Variants in ROBO1 observed in about 807,000 individuals in gnomAD.
ROBO1 encodes the protein roundabout homolog 1.
ROBO1 carries 149 observed loss-of-function variants against 195.9 expected under a neutral mutation model. That is an observed-to-expected ratio of 0.76 (90% CI 0.67 to 0.87). The LOEUF (loss-of-function observed/expected upper bound fraction) is 0.87. Among genes scored for constraint, ROBO1 ranks in the 40% least tolerant of loss-of-function variants. The pLI, the probability that ROBO1 is intolerant of heterozygous loss-of-function variation, is 0.00. For synonymous variants in ROBO1, 816 were observed against 733.2 expected (o/e 1.11, Z -1.82); for missense variants, 1,933 against 2,068.3 (o/e 0.93, Z 1.27).
chr3:79,296,436 C>G (rs1188765392), intron 2 of ROBO1, among the ~76,000 whole-genome samples: 1 of 151,480 alleles, frequency 6.6e-6, no homozygotes, highest in Non-Finnish European at 1.5e-5. Flanking sequence ...CATAGAAAGA[C>G]AACTTCAAGA....
intron 2 of ROBO1, among the ~76,000 whole-genome samples, chr3:79,340,120 T>C (rs2034848128): frequency 6.6e-6 from 1 of 152,182 alleles, no homozygotes; most frequent in South Asian, 2.1e-4. Flanking sequence ...TCTCTGTCAC[T>C]CATTTTTCAA....
intron 3 of ROBO1, among the ~76,000 whole-genome samples, chr3:79,113,335 G>T (rs1238416420): frequency 1.3e-5 from 2 of 151,582 alleles, no homozygotes; most frequent in Non-Finnish European, 2.9e-5. Context: ...TTACATAATT[G>T]AATCAGCAAT....
chr3:79,012,970 C>T (rs1204423252), intron 3 of ROBO1, among the ~76,000 whole-genome samples: 4 of 152,070 alleles, frequency 2.6e-5, no homozygotes, highest in African/African-American at 9.7e-5. Context: ...GCCTTTTGAT[C>T]TCCACAGGAT....
At chr3:79,336,801 G>T (rs537731082) in intron 2 of ROBO1, among the ~76,000 whole-genome samples, 1 of 152,332 alleles carries the variant, frequency 6.6e-6, no homozygotes, top group Non-Finnish European at 1.5e-5. Flanking sequence ...GCCTGTGAAA[G>T]CAGCTGGAAG....
At chr3:78,885,064 C>T (rs916466447) in intron 4 of ROBO1, among the ~76,000 whole-genome samples, 11 of 151,954 alleles carry the variant, frequency 7.2e-5, no homozygotes, top group Admixed American at 7.2e-4. Flanking sequence ...TGAGCATTCT[C>T]ACTATGCAGC....
At chr3:79,310,383 C>T (rs2033428182) in intron 2 of ROBO1, among the ~76,000 whole-genome samples, 1 of 152,142 alleles carries the variant, frequency 6.6e-6, no homozygotes, top group African/African-American at 2.4e-5. Context: ...CCCATAGCTC[C>T]ATATGATCAG....
intron 2 of ROBO1, among the ~76,000 whole-genome samples, chr3:79,580,785 A>G (rs1943635259): frequency 6.6e-6 from 1 of 152,006 alleles, no homozygotes; most frequent in South Asian, 2.1e-4. Context: ...TGTAGTGGAC[A>G]CTCTCTTGGG....
intron 4 of ROBO1, among the ~76,000 whole-genome samples, chr3:78,783,529 C>G (rs529662962): frequency 1.3e-5 from 2 of 152,244 alleles, no homozygotes; most frequent in East Asian, 3.9e-4. Context: ...TAAGGACATT[C>G]AAGATTCTAA....
chr3:78,945,853 C>T (rs1004491393), intron 3 of ROBO1, among the ~76,000 whole-genome samples: 5 of 151,768 alleles, frequency 3.3e-5, no homozygotes, highest in East Asian at 1.9e-4. Context: ...AACCAAGGCA[C>T]GAGAGCTACG....
rs2033633095 is a variant in ROBO1 at position 78,845,891 on chromosome 3, A to C, written c.499+92710T>G. On this transcript the variant is annotated intron_variant, in intron 4 of 30. Transcript: ENST00000464233. ...TCATTTTTAAAAACAATGTGTTCAG[A>C]ATTCTTCAGACTAATAAATTATTCT... is the stretch of plus-strand genomic sequence containing the variant. Among the ~76,000 whole-genome samples, 3 of 152,146 alleles carry C rather than the reference A, an allele frequency of 2.0e-5. No individual in the cohort carries two copies. In the South Asian group the frequency reaches 6.2e-4, roughly 32 times the overall value.
chr3:78,979,478 T>G (rs1359274872), intron 3 of ROBO1, among the ~76,000 whole-genome samples: 1 of 152,168 alleles, frequency 6.6e-6, no homozygotes, highest in African/African-American at 2.4e-5. Context: ...TGTTAAAAGA[T>G]TTCTGTCTCC....
chr3:79,075,094 A>G (rs996018061), intron 3 of ROBO1, among the ~76,000 whole-genome samples: 6 of 151,936 alleles, frequency 3.9e-5, no homozygotes, highest in African/African-American at 9.7e-5. Context: ...CTAGGTTGCC[A>G]TGATTCCTCA....
intron 2 of ROBO1, among the ~76,000 whole-genome samples, chr3:79,283,445 T>C (rs1480220455): frequency 3.3e-5 from 5 of 152,222 alleles, no homozygotes; most frequent in Non-Finnish European, 7.3e-5. Context: ...TCACATATCT[T>C]CATCTCAGAG....
intron 2 of ROBO1, among the ~76,000 whole-genome samples, chr3:79,236,968 T>C (rs2082417393): frequency 1.3e-5 from 2 of 152,106 alleles, no homozygotes; most frequent in African/African-American, 4.8e-5. Flanking sequence ...AAGAGTGACA[T>C]TCCATGGCTT....
chr3:78,938,354 C>A (rs375960094), intron 4 of ROBO1: 1 of 431,096 alleles, frequency 2.3e-6, no homozygotes, highest in Non-Finnish European at 4.2e-6. Flanking sequence ...AACTTTCCAA[C>A]AGAAAATCAC....
intron 29 of ROBO1, among the ~76,000 whole-genome samples, chr3:78,602,629 G>A (rs1355515894): frequency 6.6e-6 from 1 of 152,110 alleles, no homozygotes; most frequent in Non-Finnish European, 1.5e-5. Flanking sequence ...TTTGCGTGCT[G>A]ATATACTTTC....
At chr3:79,524,816 AACAAAATTTGTTCC>A (rs1941358644) in intron 2 of ROBO1, among the ~76,000 whole-genome samples, 1 of 152,124 alleles carries the variant, frequency 6.6e-6, no homozygotes, top group South Asian at 2.1e-4. Context: ...ATTGAATTGA[AACAAAATTTGTTCC>A]TCCAATGACA....
chr3:79,370,152 C>T (rs947036250), intron 2 of ROBO1, among the ~76,000 whole-genome samples: 1 of 151,360 alleles, frequency 6.6e-6, no homozygotes, highest in Non-Finnish European at 1.5e-5. Context: ...CCCAGGAGTT[C>T]GAGACCAGCC....
At chr3:79,765,222 G>C (rs756424669) in intron 1 of ROBO1, among the ~76,000 whole-genome samples, 1 of 152,170 alleles carries the variant, frequency 6.6e-6, no homozygotes, top group South Asian at 2.1e-4. Context: ...GTGCGAAAAG[G>C]CTAAAGGAAG....
Sources: allele counts gnomAD v4.1 joint callset (sites outside exome capture counted in the v4.1 genomes callset), GRCh38; gene constraint gnomAD v4.1.1; transcripts MANE v1.5; gene names NCBI Gene and HGNC (gene_info 2026-07-23, HGNC 2026-07-21).